Variants in RBFOX3 observed in about 807,000 individuals in gnomAD.
RBFOX3 encodes the protein RNA binding fox-1 homolog 3.
In RBFOX3, 17 loss-of-function variants were observed where a neutral mutation model predicts 48.7. That is an observed-to-expected ratio of 0.35 (90% CI 0.24 to 0.52). RBFOX3 has a LOEUF of 0.52. Among genes scored for constraint, RBFOX3 ranks in the 20% least tolerant of loss-of-function variants. The pLI, the probability that RBFOX3 is intolerant of heterozygous loss-of-function variation, is 0.94. For missense variants in RBFOX3, 382 were observed against 497.5 expected (o/e 0.77, Z 2.21); for synonymous variants, 212 against 209.5 (o/e 1.01, Z -0.10).
At chr17:79,395,400 GTGTCTGGCCTCGCT>G (rs1388003553) in intron 2 of RBFOX3, among the ~76,000 whole-genome samples, 2 of 152,234 alleles carry the variant, frequency 1.3e-5, no homozygotes, top group Non-Finnish European at 2.9e-5. Flanking sequence ...GACCTGCTAT[GTGTCTGGCCTCGCT>G]TAAGCTGCAT....
At chr17:79,114,206 A>G (rs1270475662) in intron 5 of RBFOX3, among the ~76,000 whole-genome samples, 1 of 152,136 alleles carries the variant, frequency 6.6e-6, no homozygotes, top group East Asian at 1.9e-4. Flanking sequence ...TGTCTTTTCT[A>G]AGCACACACA....
intron 4 of RBFOX3, among the ~76,000 whole-genome samples, chr17:79,131,856 G>A (rs192578224): frequency 6.6e-6 from 1 of 152,132 alleles, no homozygotes; most frequent in African/African-American, 2.4e-5. Flanking sequence ...CCCCAGACCA[G>A]ACTCAGTCCC....
At chr17:79,137,088 CCT>C (rs936407717) in intron 4 of RBFOX3, among the ~76,000 whole-genome samples, 8 of 152,312 alleles carry the variant, frequency 5.3e-5, no homozygotes, top group Admixed American at 1.3e-4. Context: ...CAGAGGCACC[CCT>C]GTTTGGGTTC....
chr17:79,178,940 C>CGAGCTG (rs1193060797), intron 4 of RBFOX3, among the ~76,000 whole-genome samples: 2 of 152,214 alleles, frequency 1.3e-5, no homozygotes, highest in Non-Finnish European at 2.9e-5. Flanking sequence ...CGCGGGTGCA[C>CGAGCTG]GAGCTGCTGT....
At chr17:79,483,842 T>A (rs1284515974) in intron 1 of RBFOX3, among the ~76,000 whole-genome samples, 3 of 152,276 alleles carry the variant, frequency 2.0e-5, no homozygotes, top group Admixed American at 6.5e-5. Context: ...CTGGGTTTAT[T>A]TAGAATCATA....
At chr17:79,631,036 G>T in the RBFOX3 span, among the ~76,000 whole-genome samples, 1 of 152,148 alleles carries the variant, frequency 6.6e-6, no homozygotes, top group African/African-American at 2.4e-5. Flanking sequence ...AGCAAAGCAA[G>T]TCGTCTCTCC....
the RBFOX3 span, among the ~76,000 whole-genome samples, chr17:79,633,168 G>A: frequency 3.9e-5 from 6 of 152,212 alleles, no homozygotes; most frequent in East Asian, 1.9e-4. Flanking sequence ...TCCGGGGCTC[G>A]GTTTCCCCAG....
intron 3 of RBFOX3, among the ~76,000 whole-genome samples, chr17:79,287,233 C>T (rs1215603230): frequency 6.6e-6 from 1 of 152,204 alleles, no homozygotes; most frequent in African/African-American, 2.4e-5. Flanking sequence ...GGACCCCCTG[C>T]CTTACTGCTC....
intron 2 of RBFOX3, among the ~76,000 whole-genome samples, chr17:79,427,566 C>A (rs1555726243): frequency 1.3e-5 from 2 of 152,234 alleles, no homozygotes; most frequent in African/African-American, 4.8e-5. Flanking sequence ...TTGAAGGCAC[C>A]AAGAAAGTAT....
chr17:79,580,180 G>A (rs2093007620), intron 1 of RBFOX3, among the ~76,000 whole-genome samples: 1 of 151,470 alleles, frequency 6.6e-6, no homozygotes, highest in Admixed American at 6.6e-5. Flanking sequence ...TTGCTTAAGG[G>A]TTTGTCTTAC....
At chr17:79,295,201 G>A (rs1341652089) in intron 3 of RBFOX3, among the ~76,000 whole-genome samples, 2 of 152,184 alleles carry the variant, frequency 1.3e-5, no homozygotes, top group African/African-American at 2.4e-5. Context: ...CACGCAGCAC[G>A]CAGATGAAAT....
chr17:79,607,905 G>GT (rs1299108602), intron 1 of RBFOX3, among the ~76,000 whole-genome samples: 1 of 152,232 alleles, frequency 6.6e-6, no homozygotes, highest in African/African-American at 2.4e-5. Context: ...TCCAAGTTGA[G>GT]TAAGTGACAG....
chr17:79,512,895 C>T lies in RBFOX3; in HGVS notation c.-319-30297G>A, dbSNP rs185155166. ...CCCGGATACGTATTACCATCGGCTA[C>T]GGCCCCATGGCCAGGGGACGCACAT... On this transcript the variant is annotated intron_variant, in intron 1 of 14. Transcript: ENST00000693108. Among the ~76,000 whole-genome samples the T allele has an allele frequency of 1.3e-3, 187 of 148,400 alleles. 6 individuals are homozygous for T. The highest frequency in any genetic ancestry group is 4.0e-3 in the African/African-American group (158 of 39,854).
At chr17:79,468,031 T>C (rs995693704) in intron 2 of RBFOX3, among the ~76,000 whole-genome samples, 2 of 152,072 alleles carry the variant, frequency 1.3e-5, no homozygotes, top group Non-Finnish European at 2.9e-5. Context: ...ACTTCCCACT[T>C]TGCAGCTTTA....
rs1269149447 is a variant in RBFOX3, at chr17:79,111,826, A to G, written c.222+3668T>C. Among the ~76,000 whole-genome samples, 3 of 152,258 alleles carry G rather than the reference A, an allele frequency of 2.0e-5. No individual in the cohort carries two copies. Among genetic ancestry groups the G allele is most frequent in the African/African-American group, 7.2e-5 (3 of 41,474 alleles). ...CCCCGAGTGAGTGAATACATGCTCCAGATGGTGACCCCTGCTGGGGAACAC... is the reference window on the plus strand; with the variant it reads ...CCCCGAGTGAGTGAATACATGCTCCGGATGGTGACCCCTGCTGGGGAACAC... On this transcript the variant is annotated intron_variant, in intron 5 of 14. Transcript: ENST00000693108. This position sits in a 1 kb window ranked among gnomAD's most constrained non-coding sequence, Gnocchi z 4.2.
chr17:79,334,177 C>T (rs2080833490), intron 2 of RBFOX3, among the ~76,000 whole-genome samples: 6 of 152,334 alleles, frequency 3.9e-5, no homozygotes, highest in Non-Finnish European at 4.4e-5. Flanking sequence ...CCCCACACCT[C>T]CTAAATCACA....
chr17:79,229,377 T>C (rs2377388), intron 4 of RBFOX3, among the ~76,000 whole-genome samples: 107,109 of 150,534 alleles, frequency 0.71, 38,020 homozygotes, highest in Middle Eastern at 0.76. Flanking sequence ...ACCAACATGG[T>C]GAAACACCAT....
At chr17:79,517,287 A>T (rs2085375747) in intron 1 of RBFOX3, among the ~76,000 whole-genome samples, 1 of 152,110 alleles carries the variant, frequency 6.6e-6, no homozygotes, top group East Asian at 1.9e-4. Context: ...CTCTACTAAA[A>T]ATAAAAAATT....
chr17:79,223,250 C>T (rs967822747), intron 4 of RBFOX3, among the ~76,000 whole-genome samples: 1 of 152,116 alleles, frequency 6.6e-6, no homozygotes, highest in Admixed American at 6.6e-5. Context: ...GGTCCCCCTA[C>T]ACACACACAG....
Sources: allele counts gnomAD v4.1 joint callset (sites outside exome capture counted in the v4.1 genomes callset), GRCh38; gene constraint gnomAD v4.1.1; non-coding constraint Gnocchi (gnomAD v3.1); transcripts MANE v1.5; gene names NCBI Gene and HGNC (gene_info 2026-07-23, HGNC 2026-07-21).